Variants in MICU1 observed in about 807,000 individuals in gnomAD.
The protein encoded by MICU1 is calcium uptake protein 1, mitochondrial.
MICU1 carries 45 observed loss-of-function variants against 56.8 expected under a neutral mutation model. That is an observed-to-expected ratio of 0.79 (90% CI 0.62 to 1.02). The LOEUF (loss-of-function observed/expected upper bound fraction) is 1.02. Ranked by LOEUF, MICU1 falls within the 50% of genes least tolerant of loss-of-function variation. The probability of loss-of-function intolerance (pLI) is 0.00; values close to 1 mark genes in which losing one functional copy is unlikely to be tolerated. For synonymous variants in MICU1, 186 were observed against 195.1 expected, an observed-to-expected ratio of 0.95 and a Z score of 0.39; for missense variants, 504 against 587.1, an observed-to-expected ratio of 0.86 and a Z score of 1.46.
intron 10 of MICU1, among the ~76,000 whole-genome samples, chr10:72,397,902 G>C (rs1344562680): frequency 6.6e-6 from 1 of 152,154 alleles, no homozygotes; most frequent in East Asian, 1.9e-4. Flanking sequence ...AGGATATCCA[G>C]GACCTGAACT....
In MICU1 at chr10:72,393,560, G is replaced by A. The variant is rs1156312163; in HGVS notation, c.1180+14369C>T. Among the ~76,000 whole-genome samples, 3 of 152,116 alleles carry A rather than the reference G, an allele frequency of 2.0e-5. No homozygotes were observed. In the East Asian group the frequency reaches 5.8e-4, roughly 29 times the overall value. On this transcript the variant is annotated intron_variant, in intron 10 of 11. Transcript: ENST00000361114. ...GAGTGGAGTGAACTGGGAAAAAAAC[G>A]ATATTTTATGAACTCAGAGAGTATA...
In MICU1 at chr10:72,424,017, T is replaced by C. The variant is rs187694677; in HGVS notation, c.934-646A>G. Among the ~76,000 whole-genome samples the C allele has an allele frequency of 2.6e-5, 4 of 152,328 alleles. No homozygotes were observed. The East Asian group carries it at 7.7e-4, about 29-fold the overall frequency. ...CTCAGTAAGTTGACAGAGACCTAAA[T>C]TTGTTTCCTTAGTAGTGGGACTGTG... is the stretch of plus-strand genomic sequence containing the variant. On this transcript the variant is annotated intron_variant, in intron 8 of 11. Transcript: ENST00000361114.
intron 5 of MICU1, among the ~76,000 whole-genome samples, chr10:72,531,264 G>A (rs1288912800): frequency 6.6e-6 from 1 of 152,162 alleles, no homozygotes; most frequent in Non-Finnish European, 1.5e-5. Flanking sequence ...CCTCTTAGGT[G>A]TTTAGCTTTC....
At chr10:72,552,746 G>A (rs573905849) in intron 3 of MICU1, among the ~76,000 whole-genome samples, 1 of 152,090 alleles carries the variant, frequency 6.6e-6, no homozygotes, top group Admixed American at 6.5e-5. Flanking sequence ...ACTAGAGATG[G>A]TTTCACCATG....
At chr10:72,498,492 A>T (rs1280721716) in intron 6 of MICU1, among the ~76,000 whole-genome samples, 3 of 152,198 alleles carry the variant, frequency 2.0e-5, no homozygotes, top group African/African-American at 7.2e-5. Context: ...AGGTTGAGGA[A>T]GGAGAATGGC....
intron 8 of MICU1, among the ~76,000 whole-genome samples, chr10:72,444,444 C>CTTTTTTTTT (rs754274260): frequency 1.9e-5 from 2 of 107,664 alleles, no homozygotes; most frequent in Non-Finnish European, 3.6e-5. Context: ...GAGTCTTTGC[C>CTTTTTTTTT]TTTTTTTTTT....
chr10:72,568,307 A>G (rs963502624), intron 1 of MICU1, among the ~76,000 whole-genome samples: 4 of 152,120 alleles, frequency 2.6e-5, no homozygotes, highest in African/African-American at 9.7e-5. Context: ...TCCATCCCCC[A>G]TCCCTTAGGC....
chr10:72,419,854 G>A (rs551177359), intron 9 of MICU1, among the ~76,000 whole-genome samples: 3 of 152,210 alleles, frequency 2.0e-5, no homozygotes, highest in Admixed American at 2.0e-4. Context: ...GATATGGTTT[G>A]GCTGTGTCCC....
chr10:72,548,799 T>C (rs1839958570), intron 4 of MICU1, among the ~76,000 whole-genome samples: 1 of 152,082 alleles, frequency 6.6e-6, no homozygotes, highest in African/African-American at 2.4e-5. Flanking sequence ...TGGGTTCAAG[T>C]GATTCTCCTG....
chr10:72,462,524 A>G (rs557373108), intron 8 of MICU1, among the ~76,000 whole-genome samples: 3 of 152,336 alleles, frequency 2.0e-5, no homozygotes, highest in South Asian at 2.1e-4. Flanking sequence ...AATATATACT[A>G]CACATATGCT....
chr10:72,579,413 C>A (rs1021434530), intron 1 of MICU1, among the ~76,000 whole-genome samples: 1 of 152,084 alleles, frequency 6.6e-6, no homozygotes, highest in East Asian at 1.9e-4. Context: ...TCCTTCAATA[C>A]CAACATTACA....
At chr10:72,497,377 G>C (rs559768152) in intron 6 of MICU1, among the ~76,000 whole-genome samples, 1 of 152,212 alleles carries the variant, frequency 6.6e-6, no homozygotes, top group South Asian at 2.1e-4. Flanking sequence ...ATCTTTATAA[G>C]TTGTTCCAGA....
intron 3 of MICU1, among the ~76,000 whole-genome samples, chr10:72,557,474 C>G (rs1840186958): frequency 6.6e-6 from 1 of 152,162 alleles, no homozygotes; most frequent in South Asian, 2.1e-4. Context: ...AATCAAGGCT[C>G]AAGATCACAT....
chr10:72,497,065 C>CT (rs113101195), intron 6 of MICU1, among the ~76,000 whole-genome samples: 183 of 145,436 alleles, frequency 1.3e-3, no homozygotes, highest in Non-Finnish European at 1.6e-3. Context: ...TAAGAGTTTT[C>CT]TTTTTTTTTT....
intron 1 of MICU1, among the ~76,000 whole-genome samples, chr10:72,615,488 G>C (rs1340309962): frequency 6.6e-6 from 1 of 152,014 alleles, no homozygotes; most frequent in Admixed American, 6.6e-5. Context: ...ACATCTAAAG[G>C]TTAGATCACA....
intron 1 of MICU1, among the ~76,000 whole-genome samples, chr10:72,620,658 C>G (rs12268987): frequency 2.6e-5 from 4 of 152,268 alleles, no homozygotes; most frequent in African/African-American, 9.6e-5. Context: ...CATTTATGAT[C>G]TGCAAAAAAT....
intron 8 of MICU1, among the ~76,000 whole-genome samples, chr10:72,456,838 C>T (rs1400737429): frequency 7.0e-6 from 1 of 142,272 alleles, no homozygotes; most frequent in Non-Finnish European, 1.5e-5. Context: ...CACCACCATG[C>T]CGGGCTCATT....
intron 1 of MICU1, among the ~76,000 whole-genome samples, chr10:72,597,307 C>A (rs1229104955): frequency 1.3e-5 from 2 of 152,150 alleles, no homozygotes; most frequent in African/African-American, 4.8e-5. Flanking sequence ...TACTTGAAAT[C>A]TTTCATCTGT....
At chr10:72,377,608 TTC>T (rs1862567661) in intron 10 of MICU1, among the ~76,000 whole-genome samples, 1 of 152,188 alleles carries the variant, frequency 6.6e-6, no homozygotes, top group Non-Finnish European at 1.5e-5. Context: ...TTCCACTGCC[TTC>T]TCTCTCATTT....
Sources: gnomAD v4.1 joint callset for allele counts (sites outside exome capture counted in the v4.1 genomes callset) on GRCh38, gnomAD v4.1.1 for gene constraint, MANE v1.5 for transcripts, NCBI Gene and HGNC (gene_info 2026-07-23, HGNC 2026-07-21) for gene names.